The following EYS variants were observed in gnomAD, a reference collection of about 807,000 sequenced individuals.
The protein encoded by EYS is protein eyes shut homolog.
A neutral mutation model predicts 282.1 loss-of-function variants in EYS; 250 were observed. That is an observed-to-expected ratio of 0.89 (90% CI 0.80 to 0.98). The LOEUF is 0.98. Among genes scored for constraint, EYS ranks in the 50% least tolerant of loss-of-function variants. The probability of loss-of-function intolerance (pLI) is 0.00; values close to 1 mark genes in which losing one functional copy is unlikely to be tolerated. For missense variants in EYS, 4,016 were observed against 3,709.0 expected, an observed-to-expected ratio of 1.08 and a Z score of -2.15; for synonymous variants, 1,355 against 1,282.9, an observed-to-expected ratio of 1.06 and a Z score of -1.20.
At chr6:65,559,042 G>T (rs2127343180) in intron 2 of EYS, among the ~76,000 whole-genome samples, 1 of 152,238 alleles carries the variant, frequency 6.6e-6, no homozygotes, top group East Asian at 1.9e-4. Context: ...AATAAAGAGA[G>T]AAGCTATAAT....
chr6:64,251,607 G>A (rs1275525580), intron 30 of EYS, among the ~76,000 whole-genome samples: 1 of 152,204 alleles, frequency 6.6e-6, no homozygotes. Flanking sequence ...TTCTCCCAAC[G>A]TAAAATGCCA....
intron 14 of EYS, among the ~76,000 whole-genome samples, chr6:64,971,135 T>C (rs1411320212): frequency 6.6e-6 from 1 of 152,076 alleles, no homozygotes; most frequent in Non-Finnish European, 1.5e-5. Context: ...AAAGGATGGC[T>C]TGATAATTTT....
intron 2 of EYS, among the ~76,000 whole-genome samples, chr6:65,618,160 G>T (rs541160814): frequency 2.1e-4 from 32 of 152,262 alleles, no homozygotes; most frequent in African/African-American, 6.7e-4. Context: ...CTAGTTTACA[G>T]TCCCACCAAC....
intron 11 of EYS, among the ~76,000 whole-genome samples, chr6:65,311,805 G>T (rs1282825565): frequency 3.5e-4 from 54 of 152,246 alleles, no homozygotes; most frequent in Non-Finnish European, 2.9e-5. Flanking sequence ...TCCCAAAGCA[G>T]AAATCAGTGT....
At chr6:64,115,946 A>G (rs76322304) in intron 31 of EYS, among the ~76,000 whole-genome samples, 6,775 of 152,194 alleles carry the variant, frequency 0.045, 442 homozygotes, top group African/African-American at 0.14. Context: ...TTACTTTGGC[A>G]CCAACCTAAT....
chr6:64,651,645 C>T (rs529001999), intron 22 of EYS, among the ~76,000 whole-genome samples: 6 of 152,130 alleles, frequency 3.9e-5, no homozygotes, highest in East Asian at 1.9e-4. Context: ...ACCGCGCCAC[C>T]GCACTCCAGC....
At chr6:65,428,473 A>AT in intron 5 of EYS, among the ~76,000 whole-genome samples, 1 of 151,760 alleles carries the variant, frequency 6.6e-6, no homozygotes, top group East Asian at 1.9e-4. Context: ...AATATCACAT[A>AT]TTTTTCTATG....
intron 19 of EYS, among the ~76,000 whole-genome samples, chr6:64,831,838 C>T (rs1368621446): frequency 2.6e-5 from 4 of 151,838 alleles, no homozygotes; most frequent in Non-Finnish European, 5.9e-5. Flanking sequence ...ATTGCTAAGA[C>T]AAGCAAAAAC....
At chr6:64,889,445 T>G (rs1767208533) in intron 18 of EYS, among the ~76,000 whole-genome samples, 1 of 152,022 alleles carries the variant, frequency 6.6e-6, no homozygotes. Flanking sequence ...AATTATGATT[T>G]CCTTCTGAAT....
chr6:65,336,553 C>T (rs914861564), intron 10 of EYS, among the ~76,000 whole-genome samples: 4 of 151,304 alleles, frequency 2.6e-5, no homozygotes, highest in African/African-American at 9.7e-5. Flanking sequence ...TAAATAGTAA[C>T]TGATGTGATG....
chr6:64,705,100 T>C (rs1770958910), intron 22 of EYS, among the ~76,000 whole-genome samples: 1 of 152,096 alleles, frequency 6.6e-6, no homozygotes. Flanking sequence ...TCCAAATAGC[T>C]CCTAAAACTG....
chr6:64,505,724 G>A lies in EYS; in HGVS notation c.5645-66372C>T, dbSNP rs1399478763. 2.0e-5 allele frequency among the ~76,000 whole-genome samples: 3 copies of A among 152,058 alleles called. No individual in the cohort carries two copies. In the East Asian group the frequency reaches 5.8e-4, roughly 29 times the overall value. On this transcript the variant is annotated intron_variant, in intron 26 of 42. Transcript: ENST00000503581. ...TATCAATTAAACTCTTTAACCTTCT[G>A]GGATTTCTTCCCAACTTTAAGAATC...
At chr6:65,248,166 A>G (rs748708558) in intron 12 of EYS, among the ~76,000 whole-genome samples, 3 of 152,074 alleles carry the variant, frequency 2.0e-5, no homozygotes, top group Non-Finnish European at 4.4e-5. Context: ...ATGTGATTTA[A>G]TGGCCTACTA....
intron 33 of EYS, among the ~76,000 whole-genome samples, chr6:64,063,315 A>T (rs1334617392): frequency 6.6e-6 from 1 of 152,116 alleles, no homozygotes; most frequent in Non-Finnish European, 1.5e-5. Context: ...AGCATGCTTA[A>T]ACTTAAACTC....
chr6:65,657,896 C>A (rs916835765), intron 1 of EYS, among the ~76,000 whole-genome samples: 2 of 151,608 alleles, frequency 1.3e-5, no homozygotes, highest in Non-Finnish European at 3.0e-5. Flanking sequence ...CAAAGATATC[C>A]CAACCTTCCT....
chr6:64,997,547 A>G, intron 14 of EYS, 35 bp downstream of exon 14: 1 of 1,543,754 alleles, frequency 6.5e-7, no homozygotes, highest in Non-Finnish European at 8.8e-7. Context: ...ATATTAGTCC[A>G]CATTTAGGTA....
In EYS at chr6:65,492,822, A is replaced by G. The variant is rs112579800; in HGVS notation, c.748+1841T>C. On this transcript the variant is annotated intron_variant, in intron 4 of 42. Transcript: ENST00000503581. Reference sequence around the variant, plus strand: ...AACTTCTATAATAATCTTGGTACTAAGCTATCAAGTTCAAAATGACTATTT... The same window carrying G: ...AACTTCTATAATAATCTTGGTACTAGGCTATCAAGTTCAAAATGACTATTT... Among the ~76,000 whole-genome samples, 915 of 152,336 alleles carry G rather than the reference A, an allele frequency of 6.0e-3. 13 individuals carry two copies. Among genetic ancestry groups the G allele is most frequent in the African/African-American group, 0.019 (800 of 41,584 alleles).
At chr6:65,335,191 T>TA (rs758578757) in intron 10 of EYS, 45 bp from the exon 11 acceptor site, 1 of 1,268,036 alleles carries the variant, frequency 7.9e-7, no homozygotes, top group South Asian at 1.2e-5. Flanking sequence ...TCCCATCACT[T>TA]ACTACAATAT....
intron 12 of EYS, among the ~76,000 whole-genome samples, chr6:65,099,734 T>C (rs9363335): frequency 0.99 from 149,704 of 150,746 alleles, 74,340 homozygotes; most frequent in Middle Eastern, 1. Context: ...GTATACTTTC[T>C]ACTACATTAA....
Sources: allele counts gnomAD v4.1 joint callset (sites outside exome capture counted in the v4.1 genomes callset), GRCh38; gene constraint gnomAD v4.1.1; transcripts MANE v1.5; gene names NCBI Gene and HGNC (gene_info 2026-07-23, HGNC 2026-07-21).